KCNQ1: variants seen among roughly 807,000 people sequenced by gnomAD.
The protein encoded by KCNQ1 is potassium voltage-gated channel subfamily Q member 1.
KCNQ1 carries 49 observed loss-of-function variants against 72.4 expected under a neutral mutation model. The observed-to-expected ratio is 0.68, with a 90% confidence interval of 0.54 to 0.86. The LOEUF (loss-of-function observed/expected upper bound fraction) is 0.86. KCNQ1 is among the 40% of genes least tolerant of loss of function. The probability of loss-of-function intolerance (pLI) is 0.00; values close to 1 mark genes in which losing one functional copy is unlikely to be tolerated. For synonymous variants in KCNQ1, 450 were observed against 412.6 expected (o/e 1.09, Z -1.10); for missense variants, 790 against 945.1 (o/e 0.84, Z 2.15).
rs905759453 is a variant in KCNQ1, at chr11:2,598,382, G to A, written c.1393+9528G>A. Among the ~76,000 whole-genome samples the A allele has an allele frequency of 6.6e-6, 1 of 152,152 alleles. No homozygotes were observed. Among genetic ancestry groups the A allele is most frequent in the Non-Finnish European group, 1.5e-5 (1 of 68,018 alleles). On this transcript the variant is annotated intron_variant, in intron 10 of 15. Transcript: ENST00000155840. The surrounding 1 kb of genome is among the most constrained non-coding windows in gnomAD (Gnocchi z 6.2). ...TTTAGTAGGCTTACAGTGAAAGGATGTAGCCTATGAAGTCTCCACTTTTTT... is the reference window on the plus strand; with the variant it reads ...TTTAGTAGGCTTACAGTGAAAGGATATAGCCTATGAAGTCTCCACTTTTTT...
intron 11 of KCNQ1, chr11:2,675,672 C>T: frequency 2.5e-6 from 1 of 398,686 alleles, no homozygotes; most frequent in African/African-American, 2.1e-5. Context: ...CAGGGCCTGC[C>T]CTGACTCTGG....
At chr11:2,810,022 C>T (rs1847455832) in intron 15 of KCNQ1, among the ~76,000 whole-genome samples, 1 of 152,192 alleles carries the variant, frequency 6.6e-6, no homozygotes, top group Non-Finnish European at 1.5e-5. Flanking sequence ...CTTCATTCAA[C>T]CATGGTGCCC....
rs1362198846 is a variant in KCNQ1, at chr11:2,785,186, G to A, written c.1794+7149G>A. 6.6e-6 allele frequency among the ~76,000 whole-genome samples: 1 copy of A among 151,918 alleles called. No individual in the cohort carries two copies. Among genetic ancestry groups the A allele is most frequent in the African/African-American group, 2.4e-5 (1 of 41,424 alleles). On this transcript the variant is annotated intron_variant, in intron 15 of 15. Coordinates refer to ENST00000155840, the MANE Select transcript of KCNQ1 (RefSeq NM_000218.3). The surrounding 1 kb of genome is among the most constrained non-coding windows in gnomAD (Gnocchi z 4.4). Reference sequence around the variant, plus strand: ...TCCTTCTATTTTTAGTGTGTTGAGAGCTCTCATTATGAATGGATATTGGAT... The same window carrying A: ...TCCTTCTATTTTTAGTGTGTTGAGAACTCTCATTATGAATGGATATTGGAT...
At chr11:2,489,346 G>A (rs150641049) in intron 1 of KCNQ1, among the ~76,000 whole-genome samples, 4 of 152,324 alleles carry the variant, frequency 2.6e-5, no homozygotes, top group Non-Finnish European at 2.9e-5. Flanking sequence ...CACAGAGGGA[G>A]CATTTAAACC....
chr11:2,769,111 G>C lies in KCNQ1; in HGVS notation c.1590+192G>C, dbSNP rs1380515217. Among the ~76,000 whole-genome samples the C allele has an allele frequency of 2.6e-5, 4 of 152,130 alleles. No homozygotes were observed. The highest frequency in any genetic ancestry group is 5.9e-5 in the Non-Finnish European group (4 of 68,022). ...CGAACCCCAGACAGCAGGCCCCTCA[G>C]AGGACCTATCCTTGGAGGCCCGGCC... On this transcript the variant is annotated intron_variant, in intron 12 of 15. Transcript: ENST00000155840. This position sits in a 1 kb window ranked among gnomAD's most constrained non-coding sequence, Gnocchi z 4.6.
Position 2,562,041 on chromosome 11 carries a change from C to T in KCNQ1, c.478-8587C>T, listed in dbSNP as rs894565895. On this transcript the variant is annotated intron_variant, in intron 2 of 15. Coordinates refer to ENST00000155840, the MANE Select transcript of KCNQ1 (RefSeq NM_000218.3). This position sits in a 1 kb window ranked among gnomAD's most constrained non-coding sequence, Gnocchi z 7.5. ...ACACTTGGCAGGGGAGGGGCTGTGG[C>T]AGGGCAGGGTCATGTCCCCAGCAGT... 2.0e-5 allele frequency among the ~76,000 whole-genome samples: 3 copies of T among 152,190 alleles called. No individual in the cohort carries two copies. Among genetic ancestry groups the T allele is most frequent in the Non-Finnish European group, 4.4e-5 (3 of 68,014 alleles).
rs1847653282 is a variant in KCNQ1 at position 2,817,963 on chromosome 11, A to G, written c.1795-29804A>G. On this transcript the variant is annotated intron_variant, in intron 15 of 15. Coordinates refer to ENST00000155840, the MANE Select transcript of KCNQ1 (RefSeq NM_000218.3). The surrounding 1 kb of genome is among the most constrained non-coding windows in gnomAD (Gnocchi z 6.1). ...CTGCAGTGAAAAAAACTAACTTCGT[A>G]TAACCCAACTATTCCCAAACTCTAT... 6.6e-6 allele frequency among the ~76,000 whole-genome samples: 1 copy of G among 152,308 alleles called. No individual in the cohort carries two copies. Among genetic ancestry groups the G allele is most frequent in the Non-Finnish European group, 1.5e-5 (1 of 68,028 alleles).
chr11:2,722,599 C>T (rs1397480668), intron 11 of KCNQ1, among the ~76,000 whole-genome samples: 3 of 152,162 alleles, frequency 2.0e-5, no homozygotes, highest in African/African-American at 4.8e-5. Context: ...GGTTTGGCCA[C>T]ATGGAGGTCC....
intron 10 of KCNQ1, among the ~76,000 whole-genome samples, chr11:2,596,785 G>T (rs1848738861): frequency 6.6e-6 from 1 of 151,870 alleles, no homozygotes; most frequent in African/African-American, 2.4e-5. Flanking sequence ...CATGGCGATG[G>T]TTTCATCATG....
In KCNQ1 at chr11:2,654,268, C is replaced by T. The variant is rs1849802393; in HGVS notation, c.1394-7693C>T. 2.5e-6 allele frequency: 1 copy of T among 398,590 alleles called. No homozygotes were observed. The highest frequency in any genetic ancestry group is 4.4e-6 in the Non-Finnish European group (1 of 226,220). 24.7% of individuals were successfully genotyped at this position (398,590 alleles called of 1,614,324 possible). Reference sequence around the variant, plus strand: ...GGCTTCTCCTTCACAGTGCAGGATCCGCAGGGCTTTGGTGAATCCACTGAG... The same window carrying T: ...GGCTTCTCCTTCACAGTGCAGGATCTGCAGGGCTTTGGTGAATCCACTGAG... On this transcript the variant is annotated intron_variant, in intron 10 of 15. Transcript: ENST00000155840. This position sits in a 1 kb window ranked among gnomAD's most constrained non-coding sequence, Gnocchi z 6.4.
chr11:2,712,675 G>A lies in KCNQ1; in HGVS notation c.1514+50594G>A, dbSNP rs1317738853. 2.0e-5 allele frequency among the ~76,000 whole-genome samples: 3 copies of A among 152,212 alleles called. No homozygotes were observed. Among genetic ancestry groups the A allele is most frequent in the Non-Finnish European group, 4.4e-5 (3 of 68,024 alleles). On this transcript the variant is annotated intron_variant, in intron 11 of 15. Transcript: ENST00000155840. The surrounding 1 kb of genome is among the most constrained non-coding windows in gnomAD (Gnocchi z 6.4). The stretch of plus-strand genomic sequence containing the variant: ...TGGCTAAGGCCCCCATCCCTGCTCA[G>A]GCCTACAGGAGAGCCCTGTGGACAC...
chr11:2,733,865 A>G (rs1472345575), intron 11 of KCNQ1, among the ~76,000 whole-genome samples: 1 of 5,528 alleles, frequency 1.8e-4, no homozygotes, highest in Non-Finnish European at 3.9e-4. Flanking sequence ...CTCCCCCCCC[A>G]CTTCAGGGCC....
intron 10 of KCNQ1, chr11:2,615,833 G>T: frequency 2.5e-6 from 1 of 397,988 alleles, no homozygotes; most frequent in Non-Finnish European, 4.4e-6. Context: ...GTCTTTTCTT[G>T]TGGTATATTT....
At chr11:2,793,456 T>C (rs1847072429) in intron 15 of KCNQ1, among the ~76,000 whole-genome samples, 1 of 106,120 alleles carries the variant, frequency 9.4e-6, no homozygotes, top group South Asian at 2.7e-4. Flanking sequence ...CCTGTCTCTA[T>C]GAAAATAAAA....
intron 15 of KCNQ1, among the ~76,000 whole-genome samples, chr11:2,812,147 C>T (rs1480136656): frequency 3.3e-5 from 5 of 152,220 alleles, no homozygotes; most frequent in African/African-American, 9.7e-5. Context: ...GCCATGCACT[C>T]CCAGACGGCT....
At position 2,488,310 on chromosome 11, in the gene KCNQ1, G is replaced by T. The variant is rs186465532; in HGVS notation, c.387-39618G>T. ...GCATCAGTTTTCATAAGGGATATTG[G>T]TCTGTAGTTTTCTTGTAGTCTTTGT... On this transcript the variant is annotated intron_variant, in intron 1 of 15. Transcript: ENST00000155840. This position sits in a 1 kb window ranked among gnomAD's most constrained non-coding sequence, Gnocchi z 5.1. Among the ~76,000 whole-genome samples, 1 of 152,118 alleles carries T rather than the reference G, an allele frequency of 6.6e-6. No homozygotes were observed. Among genetic ancestry groups the T allele is most frequent in the Non-Finnish European group, 1.5e-5 (1 of 68,022 alleles).
chr11:2,662,194 A>T, intron 11 of KCNQ1, 113 bp downstream of exon 11: 1 of 1,436,292 alleles, frequency 7.0e-7, no homozygotes, highest in South Asian at 1.2e-5. Flanking sequence ...CTACTCGCCT[A>T]GTGCCCACCA....
rs1004732166 is a variant in KCNQ1 at position 2,652,957 on chromosome 11, A to G, written c.1394-9004A>G. On this transcript the variant is annotated intron_variant, in intron 10 of 15. Transcript: ENST00000155840. The surrounding 1 kb of genome is among the most constrained non-coding windows in gnomAD (Gnocchi z 5.9). ...AGCATCCTCCCTGGGACTTCTCAGG[A>G]TTCCGGAAGTCATCTTTGACTGTGT... 4 of 398,520 alleles carry G rather than the reference A, an allele frequency of 1.0e-5. No individual in the cohort carries two copies. Among genetic ancestry groups the G allele is most frequent in the African/African-American group, 8.2e-5 (4 of 48,630 alleles). 24.7% of individuals were successfully genotyped at this position (398,520 alleles called of 1,614,324 possible).
chr11:2,582,907 C>G (rs1405202367), intron 6 of KCNQ1, among the ~76,000 whole-genome samples: 1 of 152,168 alleles, frequency 6.6e-6, no homozygotes, highest in Admixed American at 6.5e-5. Context: ...ACGGATGGCT[C>G]TCCCACCAAG....
Sources: gnomAD v4.1 joint callset for allele counts (sites outside exome capture counted in the v4.1 genomes callset) on GRCh38, gnomAD v4.1.1 for gene constraint, Gnocchi (gnomAD v3.1) non-coding constraint, MANE v1.5 for transcripts, NCBI Gene and HGNC (gene_info 2026-07-23, HGNC 2026-07-21) for gene names.